Variants in PDZRN3 observed in about 807,000 individuals in gnomAD.
The protein encoded by PDZRN3 is E3 ubiquitin-protein ligase PDZRN3.
Under a neutral mutation model 85.7 loss-of-function variants are expected in PDZRN3, and 38 were observed. The ratio of observed to expected loss-of-function variants is 0.44; its 90% CI spans 0.34 to 0.58. PDZRN3 has a LOEUF of 0.58. Ranked by LOEUF, PDZRN3 falls within the 20% of genes least tolerant of loss-of-function variation. The pLI, the probability that PDZRN3 is intolerant of heterozygous loss-of-function variation, is 0.01. For missense variants in PDZRN3, 1,629 were observed against 1,506.4 expected, an observed-to-expected ratio of 1.08 and a Z score of -1.35; for synonymous variants, 759 against 638.0, an observed-to-expected ratio of 1.19 and a Z score of -2.86.
intron 3 of PDZRN3, among the ~76,000 whole-genome samples, chr3:73,536,397 T>A (rs1225785835): frequency 1.3e-5 from 2 of 152,190 alleles, no homozygotes; most frequent in Admixed American, 1.3e-4. Flanking sequence ...CTGCTTGTGG[T>A]GGTCCAGAGC....
intron 3 of PDZRN3, among the ~76,000 whole-genome samples, chr3:73,431,755 T>C (rs1702435749): frequency 6.6e-6 from 1 of 152,166 alleles, no homozygotes; most frequent in African/African-American, 2.4e-5. Flanking sequence ...TATCAGCAAT[T>C]TACTGAGCAA....
At chr3:73,617,176 T>C (rs935249750) in intron 1 of PDZRN3, among the ~76,000 whole-genome samples, 14 of 152,186 alleles carry the variant, frequency 9.2e-5, no homozygotes, top group Admixed American at 5.9e-4. Context: ...AGCTCATCAC[T>C]GCCCTTCCTG....
intron 1 of PDZRN3, among the ~76,000 whole-genome samples, chr3:73,623,375 T>C (rs755506642): frequency 1.3e-5 from 2 of 152,222 alleles, no homozygotes; most frequent in Non-Finnish European, 2.9e-5. Flanking sequence ...TTATACTTGT[T>C]GGGGGCAGAG....
intron 3 of PDZRN3, among the ~76,000 whole-genome samples, chr3:73,499,131 G>T (rs961723728): frequency 6.6e-6 from 1 of 152,162 alleles, no homozygotes; most frequent in African/African-American, 2.4e-5. Flanking sequence ...TCACTCTGCT[G>T]AGTGTCCTGG....
intron 3 of PDZRN3, among the ~76,000 whole-genome samples, chr3:73,465,035 G>A (rs1011233151): frequency 1.3e-4 from 20 of 152,114 alleles, no homozygotes; most frequent in African/African-American, 4.1e-4. Flanking sequence ...CTAAATTTCT[G>A]AATACCTGTG....
intron 3 of PDZRN3, among the ~76,000 whole-genome samples, chr3:73,547,789 A>T (rs1701459924): frequency 6.6e-6 from 1 of 152,184 alleles, no homozygotes. Context: ...CAGACCAGAG[A>T]TGGGTCAGGC....
At chr3:73,604,092 A>G (rs1324798407) in intron 2 of PDZRN3, among the ~76,000 whole-genome samples, 1 of 152,116 alleles carries the variant, frequency 6.6e-6, no homozygotes, top group East Asian at 1.9e-4. Flanking sequence ...AGGATCATCT[A>G]TCCTCAAAAG....
rs1224790646 is a variant in PDZRN3, at chr3:73,400,748, CAAGG to C, written c.1254+170_1254+173del. ...GGACTTGATTATTAAGCTCTGTTTC[CAAGG>C]AAGGAAGAAGAATCTCAGTTGTGCC... On this transcript the variant is annotated intron_variant, in intron 5 of 9. Transcript: ENST00000263666. Among the ~76,000 whole-genome samples, 3 of 152,116 alleles carry C rather than the reference CAAGG, an allele frequency of 2.0e-5. 1 individual carries two copies. The highest frequency in any genetic ancestry group is 7.2e-5 in the African/African-American group (3 of 41,404).
chr3:73,390,329 G>T (rs1441349255), intron 6 of PDZRN3, among the ~76,000 whole-genome samples: 4 of 152,100 alleles, frequency 2.6e-5, no homozygotes, highest in African/African-American at 4.8e-5. Context: ...GTAAGGGGAG[G>T]GATGTCCCCA....
chr3:73,588,305 T>C (rs142360443), intron 3 of PDZRN3, among the ~76,000 whole-genome samples: 1 of 152,360 alleles, frequency 6.6e-6, no homozygotes, highest in East Asian at 1.9e-4. Flanking sequence ...GGTGTTTATG[T>C]ACCACATTTT....
intron 3 of PDZRN3, among the ~76,000 whole-genome samples, chr3:73,430,391 C>T (rs1217955296): frequency 2.0e-5 from 3 of 152,216 alleles, no homozygotes; most frequent in Admixed American, 6.5e-5. Context: ...TGAAGCTTAA[C>T]TCCCAATCAG....
intron 5 of PDZRN3, among the ~76,000 whole-genome samples, chr3:73,396,946 CAG>C (rs771551852): frequency 1.6e-4 from 24 of 152,230 alleles, no homozygotes; most frequent in African/African-American, 5.8e-4. Context: ...CTCATAATAA[CAG>C]AGATTTGACA....
chr3:73,552,940 A>C (rs1203934107), intron 3 of PDZRN3, among the ~76,000 whole-genome samples: 1 of 152,160 alleles, frequency 6.6e-6, no homozygotes, highest in Non-Finnish European at 1.5e-5. Flanking sequence ...ACAATAATAA[A>C]CACAACCTAC....
chr3:73,421,864 G>A (rs1702210210), intron 3 of PDZRN3, among the ~76,000 whole-genome samples: 2 of 152,200 alleles, frequency 1.3e-5, no homozygotes, highest in South Asian at 4.1e-4. Context: ...GGCCAGGATG[G>A]TCTCGATCCC....
At chr3:73,457,020 A>G (rs58492020) in intron 3 of PDZRN3, among the ~76,000 whole-genome samples, 11,960 of 152,190 alleles carry the variant, frequency 0.079, 633 homozygotes, top group Middle Eastern at 0.15. Context: ...CAAAATGCTT[A>G]CTTTAAAAAA....
At chr3:73,533,722 A>G (rs1704713466) in intron 3 of PDZRN3, among the ~76,000 whole-genome samples, 1 of 152,150 alleles carries the variant, frequency 6.6e-6, no homozygotes, top group African/African-American at 2.4e-5. Flanking sequence ...AATACACAAA[A>G]TAAGAAACCC....
chr3:73,498,134 C>T (rs1165398169), intron 3 of PDZRN3, among the ~76,000 whole-genome samples: 1 of 152,180 alleles, frequency 6.6e-6, no homozygotes, highest in Non-Finnish European at 1.5e-5. Context: ...ATCTTTCTCC[C>T]TCCCTCACTT....
chr3:73,427,193 C>CA (rs2106790655), intron 3 of PDZRN3, among the ~76,000 whole-genome samples: 1 of 152,352 alleles, frequency 6.6e-6, no homozygotes, highest in East Asian at 1.9e-4. Flanking sequence ...AGGACACATT[C>CA]ATTCCTGACA....
chr3:73,480,425 C>A (rs1166762806), intron 3 of PDZRN3, among the ~76,000 whole-genome samples: 4 of 152,208 alleles, frequency 2.6e-5, no homozygotes, highest in South Asian at 2.1e-4. Context: ...CTTTGGTTTT[C>A]TGCACACATA....
Sources: allele counts gnomAD v4.1 joint callset (sites outside exome capture counted in the v4.1 genomes callset), GRCh38; gene constraint gnomAD v4.1.1; transcripts MANE v1.5; gene names NCBI Gene and HGNC (gene_info 2026-07-23, HGNC 2026-07-21).